PIK3C3: variants seen among roughly 807,000 people sequenced by gnomAD.
PIK3C3 encodes the protein PI3-kinase type 3.
PIK3C3 carries 95 observed loss-of-function variants against 126.1 expected under a neutral mutation model. The observed-to-expected ratio is 0.75, with a 90% CI of 0.64 to 0.89. PIK3C3 has a LOEUF of 0.89. Ranked by LOEUF, PIK3C3 falls within the 40% of genes least tolerant of loss-of-function variation. The pLI is 0.00. For missense variants in PIK3C3, 829 were observed against 1,063.2 expected (o/e 0.78, Z 3.06); for synonymous variants, 374 against 360.0 (o/e 1.04, Z -0.44).
At chr18:42,025,695 G>A (rs1320771084) in intron 13 of PIK3C3, 2 of 152,168 alleles carry the variant, frequency 1.3e-5, no homozygotes, top group African/African-American at 4.8e-5. Context: ...GTCTTGAAAA[G>A]GGGATCTGGT....
intron 24 of PIK3C3, among the ~76,000 whole-genome samples, chr18:42,070,002 C>G (rs1003861938): frequency 5.3e-5 from 8 of 152,128 alleles, no homozygotes; most frequent in Admixed American, 4.6e-4. Flanking sequence ...ACTCCTTCAG[C>G]TGTATTCGAC....
intron 3 of PIK3C3, 81 bp downstream of exon 3, chr18:41,962,713 A>G (rs1442686845): frequency 2.2e-6 from 3 of 1,375,442 alleles, no homozygotes; most frequent in Non-Finnish European, 3.0e-6. Flanking sequence ...GAAGGCTTTA[A>G]TAGTTTATGC....
intron 12 of PIK3C3, among the ~76,000 whole-genome samples, chr18:42,017,073 G>A (rs1376369859): frequency 6.6e-6 from 1 of 152,020 alleles, no homozygotes; most frequent in East Asian, 1.9e-4. Context: ...TAGTTTTTTA[G>A]AGGGTTCAGG....
At chr18:42,046,601 A>G (rs947681558) in intron 20 of PIK3C3, among the ~76,000 whole-genome samples, 2 of 152,160 alleles carry the variant, frequency 1.3e-5, no homozygotes, top group African/African-American at 4.8e-5. Context: ...GGACAGAAAT[A>G]GTGTTTCCAT....
intron 24 of PIK3C3, among the ~76,000 whole-genome samples, chr18:42,075,169 A>AT (rs1371191655): frequency 6.6e-6 from 1 of 152,178 alleles, no homozygotes; most frequent in East Asian, 1.9e-4. Context: ...AAAAATCATC[A>AT]TTTCTGAGTT....
chr18:41,979,724 G>A (rs1598862557), intron 4 of PIK3C3, among the ~76,000 whole-genome samples: 1 of 151,980 alleles, frequency 6.6e-6, no homozygotes, highest in African/African-American at 2.4e-5. Context: ...ATTATAACTG[G>A]GGTTGAAGAC....
rs578249562 is a variant in PIK3C3 at position 41,979,352 on chromosome 18, T to G, written c.532-8460T>G. On this transcript the variant is annotated intron_variant, in intron 4 of 24. Coordinates refer to ENST00000262039, the MANE Select transcript of PIK3C3 (RefSeq NM_002647.4). ...CCTAAACTCTCATTCGGAAATGGGCTTTTTAGAGCTGCATTTTTCCCGCTA... is the reference window on the plus strand; with the variant it reads ...CCTAAACTCTCATTCGGAAATGGGCGTTTTAGAGCTGCATTTTTCCCGCTA... Among the ~76,000 whole-genome samples, 17 of 152,294 alleles carry G rather than the reference T, an allele frequency of 1.1e-4. 1 individual carries two copies. The South Asian group carries it at 2.7e-3, about 24-fold the overall frequency.
At chr18:41,982,162 G>C (rs746161706) in intron 4 of PIK3C3, among the ~76,000 whole-genome samples, 38 of 152,164 alleles carry the variant, frequency 2.5e-4, no homozygotes, top group Non-Finnish European at 4.9e-4. Context: ...ACTCAGAGAG[G>C]CATTAGAGTC....
intron 21 of PIK3C3, chr18:42,053,178 AAATGATCCAGCT>A (rs1984879573): frequency 6.6e-6 from 1 of 152,220 alleles, no homozygotes; most frequent in African/African-American, 2.4e-5. Flanking sequence ...ATGAAATAGA[AAATGATCCAGCT>A]AAGAACTCTG....
intron 8 of PIK3C3, 147 bp from the exon 9 acceptor site, chr18:41,996,491 G>A: frequency 2.3e-6 from 1 of 433,494 alleles, no homozygotes; most frequent in Non-Finnish European, 4.2e-6. Flanking sequence ...CAAATTTAAG[G>A]CCTACTTGAC....
At chr18:42,067,534 G>A (rs1985594466) in intron 24 of PIK3C3, 21 bp downstream of exon 24, 5 of 1,613,516 alleles carry the variant, frequency 3.1e-6, no homozygotes, top group Non-Finnish European at 4.2e-6. Context: ...TGAGTGCAGT[G>A]CATTTTTCTC....
chr18:42,001,195 A>G lies in PIK3C3; in HGVS notation c.985-3161A>G, dbSNP rs367619706. Among the ~76,000 whole-genome samples the G allele has an allele frequency of 1.2e-3, 184 of 152,364 alleles. No homozygotes were observed. The Middle Eastern group carries it at 0.017, about 14-fold the overall frequency. ...ATAGTAAAGCTAACATTTGATGTCAACATCGAAATAGAATAAAAATAATAA... is the reference window on the plus strand; with the variant it reads ...ATAGTAAAGCTAACATTTGATGTCAGCATCGAAATAGAATAAAAATAATAA... On this transcript the variant is annotated intron_variant, in intron 9 of 24. Transcript: ENST00000262039.
intron 1 of PIK3C3, 135 bp from the exon 2 acceptor site, chr18:41,957,433 AAC>A: frequency 1.4e-6 from 1 of 721,556 alleles, no homozygotes; most frequent in Non-Finnish European, 2.1e-6. Flanking sequence ...AGCATACCTT[AAC>A]ACAAAGGTAA....
chr18:41,989,077 ATTAT>A (rs1981643687), intron 5 of PIK3C3, among the ~76,000 whole-genome samples: 1 of 151,800 alleles, frequency 6.6e-6, no homozygotes, highest in African/African-American at 2.4e-5. Flanking sequence ...TTTATCATTT[ATTAT>A]TTCTTTTTTT....
chr18:42,017,985 T>TTATA (rs5824389), intron 12 of PIK3C3, among the ~76,000 whole-genome samples: 8 of 151,182 alleles, frequency 5.3e-5, no homozygotes, highest in South Asian at 2.1e-4. Context: ...CTATACTTTC[T>TTATA]TATATATATA....
intron 7 of PIK3C3, 60 bp downstream of exon 7, chr18:41,993,401 C>G: frequency 9.5e-7 from 1 of 1,051,710 alleles, no homozygotes; most frequent in East Asian, 2.4e-5. Context: ...TGTGAGTTAG[C>G]CACATCATGT....
chr18:42,075,623 C>T (rs1391291104), intron 24 of PIK3C3, among the ~76,000 whole-genome samples: 7 of 151,336 alleles, frequency 4.6e-5, no homozygotes, highest in Admixed American at 4.6e-4. Context: ...GATGACAAAG[C>T]CCAGATTCAA....
At chr18:42,010,004 T>A (rs892814909) in intron 10 of PIK3C3, among the ~76,000 whole-genome samples, 6 of 152,122 alleles carry the variant, frequency 3.9e-5, no homozygotes, top group African/African-American at 1.4e-4. Flanking sequence ...CCATTGACTC[T>A]TTTTTTCACA....
chr18:41,956,907 C>T (rs992271740), intron 1 of PIK3C3, among the ~76,000 whole-genome samples: 1 of 152,144 alleles, frequency 6.6e-6, no homozygotes, highest in African/African-American at 2.4e-5. Context: ...ATGCCTGGCA[C>T]AGTATCTGAT....
Sources: gnomAD v4.1 joint callset for allele counts (sites outside exome capture counted in the v4.1 genomes callset) on GRCh38, gnomAD v4.1.1 for gene constraint, MANE v1.5 for transcripts, NCBI Gene and HGNC (gene_info 2026-07-23, HGNC 2026-07-21) for gene names.